The following ARFGEF1 variants were observed in gnomAD, a reference collection of about 807,000 sequenced individuals.
ARFGEF1 encodes the protein brefeldin A-inhibited guanine nucleotide-exchange protein 1.
A neutral mutation model predicts 231.0 loss-of-function variants in ARFGEF1; 42 were observed. The ratio of observed to expected loss-of-function variants is 0.18; its 90% CI spans 0.14 to 0.24. The LOEUF (loss-of-function observed/expected upper bound fraction) is 0.24, where lower values mean the gene tolerates loss of function less well. Among genes scored for constraint, ARFGEF1 ranks in the 10% least tolerant of loss-of-function variants. The pLI, the probability that ARFGEF1 is intolerant of heterozygous loss-of-function variation, is 1.00. For synonymous variants in ARFGEF1, 710 were observed against 732.3 expected (o/e 0.97, Z 0.49); for missense variants, 1,345 against 2,192.0 (o/e 0.61, Z 7.72).
rs766922306 is a variant in ARFGEF1, at chr8:67,198,142, A to G, written c.*792T>C. 7 of 985,680 alleles carry G rather than the reference A, an allele frequency of 7.1e-6. No individual in the cohort carries two copies. Among genetic ancestry groups the G allele is most frequent in the Middle Eastern group, 5.2e-4 (1 of 1,936 alleles). The allele number at this position is 985,680 out of a possible 1,614,324, so 61.1% of individuals were successfully genotyped here. The stretch of plus-strand genomic sequence containing the variant: ...TGACAGGTAGTTACTGTCAGTAGGG[A>G]TATTTTCTACCTTTTTTTCCCTATT... On this transcript the variant is annotated 3_prime_UTR_variant, in exon 39 of 39. Coordinates refer to ENST00000262215, the MANE Select transcript of ARFGEF1 (RefSeq NM_006421.5).
rs768843629 is a variant in ARFGEF1 at position 67,227,473 on chromosome 8, A to G, written c.3717T>C (p.Pro1239=). The change falls in exon 26 of 39, where the codon CCT becomes CCC. Residue 1239 remains proline (P), a synonymous_variant. Coordinates refer to ENST00000262215, the MANE Select transcript of ARFGEF1 (RefSeq NM_006421.5). ...TGTTCCGTTTCATTATATGTTCAAA[A>G]GGTCTTAAGAAATCCTTCTGGAATC... The part of the protein sequence containing the change: ...NFRFQKDFLR[P]FEHIMKRNRS... 6.2e-7 allele frequency: 1 copy of G among 1,612,938 alleles called. No individual in the cohort carries two copies. The highest frequency in any genetic ancestry group is 8.5e-7 in the Non-Finnish European group (1 of 1,179,246).
At position 67,301,181 on chromosome 8, in the gene ARFGEF1, A is replaced by G; in HGVS notation, c.312+43T>C. 2.7e-6 allele frequency: 4 copies of G among 1,508,252 alleles called. No homozygotes were observed. In the East Asian group the frequency reaches 9.4e-5, roughly 35 times the overall value. The allele number at this position is 1,508,252 out of a possible 1,614,324, so 93.4% of individuals were successfully genotyped here. On this transcript the variant is annotated intron_variant, in intron 3 of 38. Coordinates refer to ENST00000262215, the MANE Select transcript of ARFGEF1 (RefSeq NM_006421.5). ...AATGTGAGTAATGTTTTAGAAACAC[A>G]TTCAAAGTACACAGTTTTTAGAAAG...
rs1587166914 is a variant in ARFGEF1, at chr8:67,265,812, T to C, written c.2123+194A>G. ...GACAAATTAATTTATATGACAAGAG[T>C]GGTTGGGCATTACAGGAATCTAGTT... On this transcript the variant is annotated intron_variant, in intron 14 of 38. Transcript: ENST00000262215. 2.0e-5 allele frequency among the ~76,000 whole-genome samples: 3 copies of C among 151,634 alleles called. 1 individual carries two copies. The highest frequency in any genetic ancestry group is 2.0e-4 in the Admixed American group (3 of 15,218).
chr8:67,324,415 T>C (rs1563916451), intron 1 of ARFGEF1, among the ~76,000 whole-genome samples: 1 of 152,226 alleles, frequency 6.6e-6, no homozygotes, highest in East Asian at 1.9e-4. Context: ...CATGCTTCCT[T>C]ATACCTCTCT....
chr8:67,179,916 T>A (rs2129570665), intron 5 of ARFGEF1: 1 of 1,556,486 alleles, frequency 6.4e-7, no homozygotes, highest in Non-Finnish European at 8.9e-7. Flanking sequence ...AATCTGATAG[T>A]GCTTTTATTG....
At chr8:67,339,722 A>C (rs1454018884) in intron 1 of ARFGEF1, among the ~76,000 whole-genome samples, 1 of 130,552 alleles carries the variant, frequency 7.7e-6, no homozygotes, top group Admixed American at 9.3e-5. Context: ...GGCAGGTACC[A>C]AAAGAGGGCA....
intron 1 of ARFGEF1, among the ~76,000 whole-genome samples, chr8:67,308,935 T>C (rs1157676055): frequency 6.6e-6 from 1 of 152,166 alleles, no homozygotes; most frequent in African/African-American, 2.4e-5. Context: ...CCTTTAGTAA[T>C]TCTGAAATAT....
At chr8:67,274,347 A>C (rs1805224960) in intron 9 of ARFGEF1, among the ~76,000 whole-genome samples, 1 of 152,012 alleles carries the variant, frequency 6.6e-6, no homozygotes, top group Non-Finnish European at 1.5e-5. Flanking sequence ...ATCATTAAAA[A>C]CAGAAAACTA....
chr8:67,282,136 A>G (rs1805560964), intron 7 of ARFGEF1, among the ~76,000 whole-genome samples: 1 of 152,138 alleles, frequency 6.6e-6, no homozygotes, highest in Admixed American at 6.5e-5. Context: ...CAAAAATTAA[A>G]AACTAAAAAA....
Position 67,338,876 on chromosome 8 carries a change from A to G in ARFGEF1, c.124+4288T>C, listed in dbSNP as rs528096279. ...TTAAGGTGTTCACTGATGGCAGGAT[A>G]TTGTTTGGGGATAAATCATTTTTTC... On this transcript the variant is annotated intron_variant, in intron 1 of 38. Coordinates refer to ENST00000262215, the MANE Select transcript of ARFGEF1 (RefSeq NM_006421.5). 5.3e-5 allele frequency among the ~76,000 whole-genome samples: 8 copies of G among 152,314 alleles called. No homozygotes were observed. In the South Asian group the frequency reaches 8.3e-4, roughly 16 times the overall value.
chr8:67,331,562 TA>T (rs1808099973), intron 1 of ARFGEF1, among the ~76,000 whole-genome samples: 1 of 152,176 alleles, frequency 6.6e-6, no homozygotes, highest in South Asian at 2.1e-4. Context: ...CTGTTGTCCA[TA>T]AGCCACCCAG....
chr8:67,175,181 C>T, downstream of ARFGEF1: 2 of 752,874 alleles, frequency 2.7e-6, no homozygotes, highest in South Asian at 3.5e-5. Context: ...TTCACTATTT[C>T]TATCATTTCC....
chr8:67,320,832 G>A (rs1807555508), intron 1 of ARFGEF1, among the ~76,000 whole-genome samples: 1 of 151,988 alleles, frequency 6.6e-6, no homozygotes. Flanking sequence ...CGTGGTGGCA[G>A]GCGCCTGTAA....
chr8:67,275,887 A>G, intron 9 of ARFGEF1, 89 bp downstream of exon 9: 1 of 1,524,008 alleles, frequency 6.6e-7, no homozygotes, highest in Non-Finnish European at 8.9e-7. Context: ...ATAGGACAAA[A>G]AGAACAAAAG....
At position 67,198,973 on chromosome 8, in the gene ARFGEF1, T is replaced by TG. The variant is rs1188555717; in HGVS notation, c.5510dup (p.Gln1838ThrfsTer4). 1 of 1,613,208 alleles carries TG rather than the reference T, an allele frequency of 6.2e-7. No homozygotes were observed. The highest frequency in any genetic ancestry group is 1.7e-5 in the Admixed American group (1 of 59,754). ...TTCCAAGTTCCTGTTCAGGTGGTTG[T>TG]GATATCTGAAAAACTACTCCGATTC... On this transcript the variant is annotated frameshift_variant, in exon 39 of 39. Transcript: ENST00000262215. LOFTEE classifies it high-confidence loss of function.
rs1458699459 is a variant in ARFGEF1, at chr8:67,220,947, T to C, written c.4209-1387A>G. Reference sequence around the variant, plus strand: ...CTTAAGTAGTTGGTATAGGGAAAAATAATACAGTCATGTGCCACGTAAGGA... The same window carrying C: ...CTTAAGTAGTTGGTATAGGGAAAAACAATACAGTCATGTGCCACGTAAGGA... On this transcript the variant is annotated intron_variant, in intron 29 of 38. Transcript: ENST00000262215. 4.0e-5 allele frequency among the ~76,000 whole-genome samples: 6 copies of C among 148,878 alleles called. No homozygotes were observed. The Admixed American group carries it at 4.1e-4, about 10-fold the overall frequency.
rs1470915810 is a variant in ARFGEF1 at position 67,238,898 on chromosome 8, A to G, written c.2980-5T>C. On this transcript the variant is annotated splice_region_variant and splice_polypyrimidine_tract_variant and intron_variant, in intron 20 of 38. Transcript: ENST00000262215. ...GACATATGCATCTCTCTCCAGCTAT[A>G]AAAAAGAGAAAAGTATGTTTACACA... is the stretch of plus-strand genomic sequence containing the variant. The G allele has an allele frequency of 3.1e-6, 5 of 1,611,536 alleles. No individual in the cohort carries two copies. The African/African-American group carries it at 6.7e-5, about 22-fold the overall frequency.
At chr8:67,270,422 T>C (rs2128895733) in intron 10 of ARFGEF1, among the ~76,000 whole-genome samples, 1 of 152,250 alleles carries the variant, frequency 6.6e-6, no homozygotes, top group East Asian at 1.9e-4. Flanking sequence ...CATTTCGAAA[T>C]TCTGGAAAAA....
intron 1 of ARFGEF1, among the ~76,000 whole-genome samples, chr8:67,337,230 T>A (rs552045470): frequency 2.0e-5 from 3 of 152,028 alleles, no homozygotes; most frequent in East Asian, 3.9e-4. Context: ...ATTCTATCAT[T>A]AAAACATTCT....
Sources: allele counts gnomAD v4.1 joint callset (sites outside exome capture counted in the v4.1 genomes callset), GRCh38; gene constraint gnomAD v4.1.1; transcripts MANE v1.5; gene names NCBI Gene and HGNC (gene_info 2026-07-23, HGNC 2026-07-21).